TMEM63C: variants seen among roughly 807,000 people sequenced by gnomAD.
The protein encoded by TMEM63C is osmosensitive cation channel TMEM63C.
A neutral mutation model predicts 99.2 loss-of-function variants in TMEM63C; 32 were observed. The observed-to-expected ratio is 0.32, with a 90% confidence interval of 0.24 to 0.43. The LOEUF is 0.43. Ranked by LOEUF, TMEM63C falls within the 20% of genes least tolerant of loss-of-function variation. TMEM63C has a pLI of 1.00. For missense variants in TMEM63C, 826 were observed against 1,053.0 expected (o/e 0.78, Z 2.98); for synonymous variants, 376 against 397.9 (o/e 0.94, Z 0.66).
chr14:77,253,226 TG>T, intron 22 of TMEM63C, 78 bp from the exon 23 acceptor site: 1 of 1,309,440 alleles, frequency 7.6e-7, no homozygotes, highest in Non-Finnish European at 1.1e-6. Context: ...AGCCCAGGTG[TG>T]GAGTTGAGGC....
intron 13 of TMEM63C, 23 bp downstream of exon 13, chr14:77,240,631 A>C (rs1438907025): frequency 6.2e-7 from 1 of 1,603,506 alleles, no homozygotes; most frequent in Non-Finnish European, 8.5e-7. Flanking sequence ...CAGGCGCCCC[A>C]CCCAGCCCCA....
chr14:77,231,817 G>C (rs752388101), intron 7 of TMEM63C, 87 bp downstream of exon 7: 1 of 1,438,134 alleles, frequency 7.0e-7, no homozygotes. Context: ...TGAGGGTCTA[G>C]ACATCTATTT....
At chr14:77,241,700 G>C (rs1224054861) in intron 13 of TMEM63C, among the ~76,000 whole-genome samples, 1 of 152,202 alleles carries the variant, frequency 6.6e-6, no homozygotes, top group African/African-American at 2.4e-5. Context: ...ACCTCCCGGA[G>C]GGTTGACAAG....
chr14:77,256,348 T>C (rs1054716695), intron 23 of TMEM63C, among the ~76,000 whole-genome samples, 178 bp from the exon 24 acceptor site: 13 of 152,142 alleles, frequency 8.5e-5, no homozygotes, highest in Non-Finnish European at 1.9e-4. Flanking sequence ...GCTCATCAAA[T>C]GATCAAGAAC....
intron 12 of TMEM63C, 102 bp from the exon 13 acceptor site, chr14:77,240,373 G>A: frequency 2.9e-6 from 4 of 1,401,154 alleles, no homozygotes; most frequent in South Asian, 1.5e-5. Context: ...GGTGCTTCAA[G>A]GCCACCACAA....
intron 1 of TMEM63C, among the ~76,000 whole-genome samples, chr14:77,198,754 G>A (rs888157450): frequency 6.6e-6 from 1 of 152,196 alleles, no homozygotes; most frequent in Non-Finnish European, 1.5e-5. Context: ...GATGGGAAGT[G>A]CAGGAGGGAA....
chr14:77,251,881 A>T lies in TMEM63C; in HGVS notation c.2131A>T (p.Met711Leu), dbSNP rs1889366844. 6.2e-7 allele frequency: 1 copy of T among 1,613,692 alleles called. No homozygotes were observed. The highest frequency in any genetic ancestry group is 1.7e-5 in the Admixed American group (1 of 60,022). ...FVGIFLGKLR[M>L]VADYEPEEEE... ...TGGCATTTTTCTGGGGAAGCTTCGG[A>T]TGGTTGCCGACTACGAGGTGAGTTG... Residue 711 changes from methionine to leucine, a missense_variant, in exon 22 of 24, where the codon ATG becomes TTG. Coordinates refer to ENST00000298351, the MANE Select transcript of TMEM63C (RefSeq NM_020431.4).
chr14:77,232,169 G>A (rs1445061274), intron 7 of TMEM63C, among the ~76,000 whole-genome samples: 2 of 152,312 alleles, frequency 1.3e-5, no homozygotes, highest in East Asian at 3.9e-4. Context: ...CAGCATTGTG[G>A]ATGAGACCTT....
chr14:77,190,964 G>C (rs1439446914), intron 1 of TMEM63C, among the ~76,000 whole-genome samples: 2 of 151,482 alleles, frequency 1.3e-5, no homozygotes, highest in Admixed American at 1.3e-4. Flanking sequence ...CCAACCTGGA[G>C]AAAAAAGAAC....
At chr14:77,238,548 C>T (rs536933145) in intron 9 of TMEM63C, 146 bp from the exon 10 acceptor site, 2 of 668,038 alleles carry the variant, frequency 3.0e-6, no homozygotes, top group South Asian at 3.8e-5. Flanking sequence ...TTGGCTCTGG[C>T]TTTCTTGGCT....
chr14:77,217,119 G>A (rs550105381), intron 2 of TMEM63C, among the ~76,000 whole-genome samples: 4 of 151,840 alleles, frequency 2.6e-5, no homozygotes, highest in South Asian at 2.1e-4. Flanking sequence ...TTGTGCCACC[G>A]TGACAGAGTG....
intron 6 of TMEM63C, among the ~76,000 whole-genome samples, chr14:77,228,827 G>C (rs1231938709): frequency 1.3e-5 from 2 of 152,044 alleles, no homozygotes; most frequent in Non-Finnish European, 2.9e-5. Context: ...ATAAGCCACT[G>C]CACCCGGCCT....
At position 77,259,067 on chromosome 14, in the gene TMEM63C, T is replaced by G. The variant is rs746043887; in HGVS notation, c.*2341T>G. ...CTTTTAGCCTCCCCCCGCCACCACA[T>G]CCAGGCCCTCTCAGGCACCTCCTGC... On this transcript the variant is annotated 3_prime_UTR_variant, in exon 24 of 24. Coordinates refer to ENST00000298351, the MANE Select transcript of TMEM63C (RefSeq NM_020431.4). The G allele has an allele frequency of 6.6e-6, 1 of 152,372 alleles. No homozygotes were observed. The highest frequency in any genetic ancestry group is 1.5e-5 in the Non-Finnish European group (1 of 68,548). The allele number at this position is 152,372 out of a possible 1,614,324, so 9.4% of individuals were successfully genotyped here.
At chr14:77,185,936 T>C (rs921066349) in intron 1 of TMEM63C, among the ~76,000 whole-genome samples, 1 of 151,922 alleles carries the variant, frequency 6.6e-6, no homozygotes, top group African/African-American at 2.4e-5. Flanking sequence ...AGTCCCCTTC[T>C]TTCCATTTGC....
chr14:77,238,479 T>C (rs1594865819), intron 9 of TMEM63C, among the ~76,000 whole-genome samples: 1 of 152,180 alleles, frequency 6.6e-6, no homozygotes, highest in East Asian at 1.9e-4. Flanking sequence ...GCTGCCTGGC[T>C]CAGCTGGGAC....
In TMEM63C at chr14:77,253,506, G is replaced by A. The variant is rs1329703859; in HGVS notation, c.2220+130G>A. The A allele has an allele frequency of 2.0e-5, 17 of 838,668 alleles. No homozygotes were observed. The East Asian group carries it at 4.5e-4, about 22-fold the overall frequency. The allele number at this position is 838,668 out of a possible 1,614,324, so 52.0% of individuals were successfully genotyped here. A position where few individuals can be genotyped will look rare whatever the true frequency, so the allele number is the denominator to read the frequency against. On this transcript the variant is annotated intron_variant, in intron 23 of 23. Coordinates refer to ENST00000298351, the MANE Select transcript of TMEM63C (RefSeq NM_020431.4). Reference sequence around the variant, plus strand: ...TGGGGAAGGAGATGGGGGACCCCTGGGCTCCCTCCTCTAATGGAGCAGGAC... The same window carrying A: ...TGGGGAAGGAGATGGGGGACCCCTGAGCTCCCTCCTCTAATGGAGCAGGAC...
intron 7 of TMEM63C, among the ~76,000 whole-genome samples, chr14:77,233,066 T>C (rs1888972468): frequency 6.6e-6 from 1 of 152,194 alleles, no homozygotes; most frequent in Non-Finnish European, 1.5e-5. Flanking sequence ...GCCAGAAGGA[T>C]TTCCTCTGAA....
At position 77,186,797 on chromosome 14, in the gene TMEM63C, GTGTC is replaced by G. The variant is rs1266357586; in HGVS notation, c.-77+4907_-77+4910del. Reference sequence around the variant, plus strand: ...AAGGGGTGTGTGTGTGTGTGTGTGTGTGTCTGTGTGTGTGTGTGTGTGTCTGTGT... The same window carrying G: ...AAGGGGTGTGTGTGTGTGTGTGTGTGTGTGTGTGTGTGTGTGTGTCTGTGT... On this transcript the variant is annotated intron_variant, in intron 1 of 23. Transcript: ENST00000298351. Among the ~76,000 whole-genome samples the G allele has an allele frequency of 5.0e-3, 504 of 100,126 alleles. 4 individuals are homozygous for G. Among genetic ancestry groups the G allele is most frequent in the African/African-American group, 0.018 (480 of 26,070 alleles). The allele number at this position is 100,126 out of a possible 152,430, so 65.7% of individuals were successfully genotyped here. A position where few individuals can be genotyped will look rare whatever the true frequency, so the allele number is the denominator to read the frequency against.
At chr14:77,215,600 C>CAAAAA (rs796730995) in intron 2 of TMEM63C, among the ~76,000 whole-genome samples, 1 of 82,410 alleles carries the variant, frequency 1.2e-5, no homozygotes, top group Admixed American at 1.4e-4. Context: ...GACTCTGTCT[C>CAAAAA]AAAAAAAAAA....
Sources: gnomAD v4.1 joint callset for allele counts (sites outside exome capture counted in the v4.1 genomes callset) on GRCh38, gnomAD v4.1.1 for gene constraint, MANE v1.5 for transcripts, NCBI Gene and HGNC (gene_info 2026-07-23, HGNC 2026-07-21) for gene names.